Variants in KAZN observed in about 807,000 individuals in gnomAD.
The protein encoded by KAZN is kazrin, periplakin interacting protein.
Under a neutral mutation model 87.4 loss-of-function variants are expected in KAZN, and 40 were observed. The ratio of observed to expected loss-of-function variants is 0.46; its 90% CI spans 0.36 to 0.60. The LOEUF (loss-of-function observed/expected upper bound fraction) is 0.60, where lower values mean the gene tolerates loss of function less well. Among genes scored for constraint, KAZN ranks in the 20% least tolerant of loss-of-function variants. The probability of loss-of-function intolerance (pLI) is 0.00; values close to 1 mark genes in which losing one functional copy is unlikely to be tolerated. For missense variants in KAZN, 898 were observed against 1,073.9 expected, an observed-to-expected ratio of 0.84 and a Z score of 2.29; for synonymous variants, 466 against 458.3, an observed-to-expected ratio of 1.02 and a Z score of -0.22.
At chr1:14,987,121 A>G (rs1300881854) in intron 2 of KAZN, among the ~76,000 whole-genome samples, 1 of 152,142 alleles carries the variant, frequency 6.6e-6, no homozygotes, top group East Asian at 1.9e-4. Flanking sequence ...AAAAGATGAG[A>G]TGGTAATACA....
chr1:13,986,490 C>G (rs1203091257), intron 1 of KAZN, among the ~76,000 whole-genome samples: 1 of 152,044 alleles, frequency 6.6e-6, no homozygotes, highest in East Asian at 1.9e-4. Flanking sequence ...TTTTATAGGT[C>G]CTAGTTAGAG....
intron 1 of KAZN, among the ~76,000 whole-genome samples, chr1:14,776,967 G>GAAAAAAAAAAA (rs1450009750): frequency 4.1e-5 from 6 of 147,644 alleles, no homozygotes; most frequent in African/African-American, 1.5e-4. Flanking sequence ...AGACGTCTTT[G>GAAAAAAAAAAA]AAGTCGGTAT....
chr1:14,062,420 T>C (rs1642831313), intron 1 of KAZN, among the ~76,000 whole-genome samples: 1 of 152,300 alleles, frequency 6.6e-6, no homozygotes, highest in East Asian at 1.9e-4. Flanking sequence ...GATCTTAAAC[T>C]TAGGACTTTC....
rs189669548 is a variant in KAZN at position 14,289,359 on chromosome 1, G to A, written c.249+108767G>A. On this transcript the variant is annotated intron_variant, in intron 2 of 16. Coordinates refer to the KAZN transcript ENST00000636203. The stretch of plus-strand genomic sequence containing the variant: ...CTAAGGACTTGCTTTATGAATCTGG[G>A]TGCTCCTGTATTGGGTGCATATATA... Among the ~76,000 whole-genome samples the A allele has an allele frequency of 5.1e-3, 780 of 152,264 alleles. 4 individuals are homozygous for A. The highest frequency in any genetic ancestry group is 0.018 in the African/African-American group (737 of 41,548).
chr1:14,047,642 C>T (rs987426687), intron 1 of KAZN, among the ~76,000 whole-genome samples: 4 of 152,046 alleles, frequency 2.6e-5, no homozygotes, highest in Admixed American at 1.3e-4. Context: ...CCAGGGTGGG[C>T]GGACCACTTG....
rs34947660 is a variant in KAZN at position 14,580,475 on chromosome 1, CAAATAAATAAATAAAT to C, written c.250-18480_250-18465del. Among the ~76,000 whole-genome samples the C allele has an allele frequency of 2.6e-3, 382 of 144,416 alleles. No homozygotes were observed. In the East Asian group the frequency reaches 0.027, roughly 10 times the overall value. 94.7% of individuals were successfully genotyped at this position (144,416 alleles called of 152,430 possible). A position where few individuals can be genotyped will look rare whatever the true frequency, so the allele number is the denominator to read the frequency against. Reference sequence around the variant, plus strand: ...GGTCAACAAGAGCGAAACTCTATCTCAAATAAATAAATAAATAAATAAATAAATAAATAAATAAATA... The same window carrying C: ...GGTCAACAAGAGCGAAACTCTATCTCAAATAAATAAATAAATAAATAAATA... On this transcript the variant is annotated intron_variant, in intron 2 of 16. Coordinates refer to the KAZN transcript ENST00000636203.
At chr1:14,811,292 A>G (rs1365487849) in intron 1 of KAZN, among the ~76,000 whole-genome samples, 1 of 152,206 alleles carries the variant, frequency 6.6e-6, no homozygotes, top group Non-Finnish European at 1.5e-5. Context: ...AATGTTAGTC[A>G]ACTCCAACTA....
At chr1:14,070,699 C>T (rs1643215215) in intron 1 of KAZN, among the ~76,000 whole-genome samples, 2 of 152,162 alleles carry the variant, frequency 1.3e-5, no homozygotes, top group African/African-American at 4.8e-5. Flanking sequence ...GTATGGCTTT[C>T]AAGGTTGTGA....
intron 1 of KAZN, among the ~76,000 whole-genome samples, chr1:14,118,498 A>G (rs60433914): frequency 0.12 from 18,503 of 152,202 alleles, 1,376 homozygotes; most frequent in African/African-American, 0.19. Context: ...TCAAATTTTG[A>G]AGTGTATAAA....
chr1:14,809,276 G>A (rs1646329379), intron 1 of KAZN, among the ~76,000 whole-genome samples: 1 of 152,226 alleles, frequency 6.6e-6, no homozygotes, highest in South Asian at 2.1e-4. Flanking sequence ...GCTGTGTGAT[G>A]CAGAGGTGTC....
intron 1 of KAZN, among the ~76,000 whole-genome samples, chr1:14,956,737 C>T (rs1663163937): frequency 6.6e-6 from 1 of 152,130 alleles, no homozygotes; most frequent in African/African-American, 2.4e-5. Context: ...GGAAGAGGGG[C>T]CCTGGCAGGA....
At chr1:13,909,779 T>G (rs941704042) in intron 1 of KAZN, among the ~76,000 whole-genome samples, 1 of 152,224 alleles carries the variant, frequency 6.6e-6, no homozygotes, top group African/African-American at 2.4e-5. Context: ...TGGAAAGATT[T>G]GGTCTGAGTT....
intron 1 of KAZN, among the ~76,000 whole-genome samples, chr1:14,137,547 T>G (rs529408902): frequency 1.3e-5 from 2 of 152,244 alleles, no homozygotes; most frequent in African/African-American, 4.8e-5. Flanking sequence ...TTCGGCAAGT[T>G]GCTTAAACCT....
At chr1:14,138,518 G>T (rs1645159129) in intron 1 of KAZN, among the ~76,000 whole-genome samples, 1 of 152,130 alleles carries the variant, frequency 6.6e-6, no homozygotes, top group African/African-American at 2.4e-5. Context: ...GAGGAAATGG[G>T]ATTCCCTCAG....
intron 1 of KAZN, among the ~76,000 whole-genome samples, chr1:14,924,777 G>A (rs974278378): frequency 1.8e-4 from 27 of 152,248 alleles, no homozygotes; most frequent in Non-Finnish European, 2.9e-4. Flanking sequence ...GGGGACCGGG[G>A]CTCGGGGGCT....
At position 14,773,704 on chromosome 1, in the gene KAZN, G is replaced by A. The variant is rs754358213; in HGVS notation, c.226+174481G>A. ...TCTATGCAGCCGGTTACCCATTGGC[G>A]TCACTTAGCCTGGCAGTGCTGCTAA... is the stretch of plus-strand genomic sequence containing the variant. On this transcript the variant is annotated intron_variant, in intron 1 of 14. Transcript: ENST00000376030. This position sits in a 1 kb window ranked among gnomAD's most constrained non-coding sequence, Gnocchi z 5.9. Among the ~76,000 whole-genome samples, 10 of 152,116 alleles carry A rather than the reference G, an allele frequency of 6.6e-5. No individual in the cohort carries two copies. Among genetic ancestry groups the A allele is most frequent in the South Asian group, 2.1e-4 (1 of 4,818 alleles).
chr1:14,750,724 ACT>A (rs1416229308), intron 1 of KAZN, among the ~76,000 whole-genome samples: 3 of 151,998 alleles, frequency 2.0e-5, no homozygotes, highest in Non-Finnish European at 2.9e-5. Context: ...AAACCTCTAA[ACT>A]CTAATCTCCT....
At chr1:14,905,584 G>A (rs906784922) in intron 1 of KAZN, among the ~76,000 whole-genome samples, 3 of 152,218 alleles carry the variant, frequency 2.0e-5, no homozygotes, top group East Asian at 1.9e-4. Context: ...AGTGGCTCAC[G>A]CCTATAATCC....
intron 1 of KAZN, among the ~76,000 whole-genome samples, chr1:14,121,449 A>G (rs1644750353): frequency 6.6e-6 from 1 of 152,204 alleles, no homozygotes; most frequent in East Asian, 1.9e-4. Flanking sequence ...CAGAGAAATT[A>G]TGTAAAGTAT....
Sources: gnomAD v4.1 joint callset for allele counts (sites outside exome capture counted in the v4.1 genomes callset) on GRCh38, gnomAD v4.1.1 for gene constraint, Gnocchi (gnomAD v3.1) non-coding constraint, MANE v1.5 for transcripts, NCBI Gene and HGNC (gene_info 2026-07-23, HGNC 2026-07-21) for gene names.